Variants in PTPRD observed in about 807,000 individuals in gnomAD.
PTPRD encodes the protein protein tyrosine phosphatase receptor type D, also known as receptor-type tyrosine-protein phosphatase delta.
In PTPRD, 34 loss-of-function variants were observed where a neutral mutation model predicts 214.5. The observed-to-expected ratio is 0.16, with a 90% CI of 0.12 to 0.21. PTPRD has a LOEUF of 0.21. Ranked by LOEUF, PTPRD falls within the 10% of genes least tolerant of loss-of-function variation. The pLI is 1.00. For synonymous variants in PTPRD, 1,128 were observed against 845.7 expected (o/e 1.33, Z -5.79); for missense variants, 2,545 against 2,398.7 (o/e 1.06, Z -1.27).
chr9:9,144,084 G>A (rs910821963), intron 10 of PTPRD, among the ~76,000 whole-genome samples: 1 of 152,176 alleles, frequency 6.6e-6, no homozygotes, highest in African/African-American at 2.4e-5. Flanking sequence ...AATGGATGGA[G>A]TATTTCCCTT....
At chr9:10,303,849 T>C (rs2095955138) in intron 3 of PTPRD, among the ~76,000 whole-genome samples, 1 of 152,150 alleles carries the variant, frequency 6.6e-6, no homozygotes, top group African/African-American at 2.4e-5. Flanking sequence ...GAGGAGCTGG[T>C]ACCTTTCTTT....
chr9:9,097,949 T>A (rs980978811), intron 10 of PTPRD, among the ~76,000 whole-genome samples: 1 of 152,084 alleles, frequency 6.6e-6, no homozygotes, highest in African/African-American at 2.4e-5. Context: ...TTGCTGACCA[T>A]CATAAAAGAT....
At chr9:9,073,879 C>A (rs1026027443) in intron 10 of PTPRD, among the ~76,000 whole-genome samples, 1 of 152,044 alleles carries the variant, frequency 6.6e-6, no homozygotes, top group African/African-American at 2.4e-5. Flanking sequence ...ATGTGATAAT[C>A]CATATATAAT....
intron 4 of PTPRD, among the ~76,000 whole-genome samples, chr9:10,010,870 G>A (rs532299242): frequency 9.9e-5 from 15 of 151,538 alleles, no homozygotes; most frequent in African/African-American, 3.4e-4. Context: ...TCAAACCAAG[G>A]CAATAATTGT....
At chr9:9,739,641 C>A (rs1330425236) in intron 6 of PTPRD, among the ~76,000 whole-genome samples, 2 of 151,334 alleles carry the variant, frequency 1.3e-5, no homozygotes, top group African/African-American at 4.8e-5. Flanking sequence ...AAAAAAAAGC[C>A]AGTTGTGGTT....
At chr9:9,082,912 G>A (rs1018579956) in intron 10 of PTPRD, among the ~76,000 whole-genome samples, 10 of 151,858 alleles carry the variant, frequency 6.6e-5, no homozygotes, top group East Asian at 1.9e-4. Context: ...GGATACAAAC[G>A]AATGGAAAAA....
chr9:9,131,451 T>G (rs965687846), intron 10 of PTPRD, among the ~76,000 whole-genome samples: 1 of 152,174 alleles, frequency 6.6e-6, no homozygotes, highest in African/African-American at 2.4e-5. Flanking sequence ...GGAGTTCAAA[T>G]AATAATATCC....
intron 7 of PTPRD, among the ~76,000 whole-genome samples, chr9:9,653,789 G>T (rs1394170385): frequency 6.6e-6 from 1 of 152,142 alleles, no homozygotes; most frequent in East Asian, 1.9e-4. Context: ...AAGGGATTTG[G>T]CTTTGATGGA....
At chr9:10,331,784 AT>A (rs1275548922) in intron 3 of PTPRD, among the ~76,000 whole-genome samples, 2 of 151,886 alleles carry the variant, frequency 1.3e-5, no homozygotes, top group Non-Finnish European at 2.9e-5. Flanking sequence ...TTTTTATGCA[AT>A]TTTAGATGAA....
intron 5 of PTPRD, among the ~76,000 whole-genome samples, chr9:9,840,288 T>A (rs2057966247): frequency 6.6e-6 from 1 of 152,132 alleles, no homozygotes. Context: ...CATGAGCCAC[T>A]ATGGCTGGCC....
intron 7 of PTPRD, among the ~76,000 whole-genome samples, chr9:9,711,461 C>T (rs954561479): frequency 6.6e-6 from 1 of 152,020 alleles, no homozygotes; most frequent in African/African-American, 2.4e-5. Flanking sequence ...GCAACAATAA[C>T]AAAAACAGGC....
At chr9:8,846,231 T>C (rs1214948049) in intron 11 of PTPRD, among the ~76,000 whole-genome samples, 1 of 152,206 alleles carries the variant, frequency 6.6e-6, no homozygotes. Context: ...TCGTAAACTG[T>C]AGAACCTAAA....
At chr9:8,694,186 T>C (rs1291636061) in intron 12 of PTPRD, among the ~76,000 whole-genome samples, 2 of 152,186 alleles carry the variant, frequency 1.3e-5, no homozygotes, top group Non-Finnish European at 2.9e-5. Context: ...TTTTTAAATC[T>C]GAATGAAATA....
intron 3 of PTPRD, among the ~76,000 whole-genome samples, chr9:10,141,345 G>C (rs1165445161): frequency 6.6e-6 from 1 of 152,078 alleles, no homozygotes; most frequent in Non-Finnish European, 1.5e-5. Context: ...TGTATATCTA[G>C]AAAACCCCAT....
intron 5 of PTPRD, among the ~76,000 whole-genome samples, chr9:9,825,660 A>C (rs2052555640): frequency 1.3e-5 from 2 of 151,926 alleles, no homozygotes; most frequent in South Asian, 4.1e-4. Flanking sequence ...GGAAAACTTA[A>C]AGAAACGATG....
At chr9:9,069,887 C>T (rs952142475) in intron 10 of PTPRD, among the ~76,000 whole-genome samples, 2 of 152,082 alleles carry the variant, frequency 1.3e-5, no homozygotes, top group African/African-American at 2.4e-5. Flanking sequence ...GTAATGTTAG[C>T]TTGAGGATCA....
intron 12 of PTPRD, among the ~76,000 whole-genome samples, chr9:8,705,938 C>G (rs1345391683): frequency 6.6e-6 from 1 of 152,060 alleles, no homozygotes; most frequent in East Asian, 1.9e-4. Flanking sequence ...AACTGTGATT[C>G]GGAGCATTTA....
intron 3 of PTPRD, among the ~76,000 whole-genome samples, chr9:10,273,455 G>T (rs1323503): frequency 0.42 from 63,750 of 151,548 alleles, 14,952 homozygotes; most frequent in East Asian, 0.55. Flanking sequence ...ATTAGAGTTA[G>T]ATAAAAATTT....
intron 2 of PTPRD, among the ~76,000 whole-genome samples, chr9:10,551,388 T>C (rs935906151): frequency 6.6e-6 from 1 of 152,058 alleles, no homozygotes; most frequent in Non-Finnish European, 1.5e-5. Context: ...CCGTGATTCA[T>C]GTTCCTTGTG....
Sources: allele counts gnomAD v4.1 joint callset (sites outside exome capture counted in the v4.1 genomes callset), GRCh38; gene constraint gnomAD v4.1.1; transcripts MANE v1.5; gene names NCBI Gene and HGNC (gene_info 2026-07-23, HGNC 2026-07-21).